Variants in EDAR observed in about 807,000 individuals in gnomAD.
EDAR encodes ectodysplasin A receptor, also known as tumor necrosis factor receptor superfamily member EDAR.
In EDAR, 38 loss-of-function variants were observed where a neutral mutation model predicts 51.3. The observed-to-expected ratio is 0.74, with a 90% CI of 0.57 to 0.97. The LOEUF (loss-of-function observed/expected upper bound fraction) is 0.97, where lower values mean the gene tolerates loss of function less well. Among genes scored for constraint, EDAR ranks in the 50% least tolerant of loss-of-function variants. The pLI is 0.00. For missense variants in EDAR, 528 were observed against 595.0 expected, an observed-to-expected ratio of 0.89 and a Z score of 1.17; for synonymous variants, 227 against 242.1, an observed-to-expected ratio of 0.94 and a Z score of 0.58.
chr2:108,966,779 G>C (rs1223621435), intron 1 of EDAR, among the ~76,000 whole-genome samples: 1 of 152,226 alleles, frequency 6.6e-6, no homozygotes, highest in African/African-American at 2.4e-5. Context: ...CCCTGGAAGG[G>C]AGCACAGTGG....
chr2:108,923,460 G>A lies in EDAR; in HGVS notation c.357-7C>T. The A allele has an allele frequency of 6.2e-7, 1 of 1,613,854 alleles. No homozygotes were observed. Among genetic ancestry groups the A allele is most frequent in the Non-Finnish European group, 8.5e-7 (1 of 1,179,772 alleles). On this transcript the variant is annotated splice_polypyrimidine_tract_variant and splice_region_variant and intron_variant, in intron 4 of 11. Transcript: ENST00000258443. ...GTTCTCCAGCATGTAGTAGCTACGG[G>A]GGAGAGACAAGACAAAACAGAGACA...
At chr2:108,937,824 G>C (rs977121365) in intron 1 of EDAR, among the ~76,000 whole-genome samples, 2 of 152,254 alleles carry the variant, frequency 1.3e-5, no homozygotes, top group Middle Eastern at 3.4e-3. Flanking sequence ...GTGGACCTGC[G>C]GGGAGAGGCA....
Position 108,917,683 on chromosome 2 carries a change from C to G in EDAR, c.443-4919G>C, listed in dbSNP as rs116792406. On this transcript the variant is annotated intron_variant, in intron 5 of 11. Coordinates refer to ENST00000258443, the MANE Select transcript of EDAR (RefSeq NM_022336.4). Reference sequence around the variant, plus strand: ...CGGGAGGCGGTGGGCCTTGCCATCCCTGGCTGCAGGGCTGACCTCATGAGG... The same window carrying G: ...CGGGAGGCGGTGGGCCTTGCCATCCGTGGCTGCAGGGCTGACCTCATGAGG... Among the ~76,000 whole-genome samples the G allele has an allele frequency of 4.6e-3, 700 of 152,198 alleles. 6 individuals are homozygous for G. The highest frequency in any genetic ancestry group is 0.016 in the African/African-American group (649 of 41,528).
intron 1 of EDAR, among the ~76,000 whole-genome samples, chr2:108,987,076 G>A (rs1012733744): frequency 1.7e-4 from 26 of 152,352 alleles, no homozygotes; most frequent in African/African-American, 6.0e-4. Context: ...ACTGAGCCCA[G>A]CTGAGGGGCT....
Position 108,912,733 on chromosome 2 carries a change from G to C in EDAR, c.474C>G (p.Asn158Lys), listed in dbSNP as rs777978272. ...CVGATSGASA[N>K]FPGTSGSSTL... ...TGCTGCTGCCCGAGGTGCCAGGGAA[G>C]TTGGCAGAAGCTCCTGAAGTGGCTC... The change falls in exon 6 of 12, where the codon AAC (asparagine) becomes AAG (lysine). Residue 158 changes from asparagine (N) to lysine (K), a missense_variant. By Grantham distance (94) the Asn-to-Lys change is moderately conservative. Transcript: ENST00000258443. 6.2e-7 allele frequency: 1 copy of C among 1,602,144 alleles called. No homozygotes were observed.
chr2:108,912,677 C>A lies in EDAR; in HGVS notation c.529+1G>T, dbSNP rs1553445945. 1.3e-6 allele frequency: 2 copies of A among 1,588,062 alleles called. No individual in the cohort carries two copies. Among genetic ancestry groups the A allele is most frequent in the Non-Finnish European group, 1.7e-6 (2 of 1,167,004 alleles). On this transcript the variant is annotated splice_donor_variant, in intron 6 of 11. Coordinates refer to ENST00000258443, the MANE Select transcript of EDAR (RefSeq NM_022336.4). LOFTEE classifies it high-confidence loss of function. Reference sequence around the variant, plus strand: ...GATCGATACCTGAGCACCCTCCTCACCTTTGTGGGCGTGCTGGAAGGGAGA... The same window carrying A: ...GATCGATACCTGAGCACCCTCCTCAACTTTGTGGGCGTGCTGGAAGGGAGA...
chr2:108,977,684 C>T (rs1373595430), intron 1 of EDAR, among the ~76,000 whole-genome samples: 3 of 152,104 alleles, frequency 2.0e-5, no homozygotes, highest in Admixed American at 2.0e-4. Context: ...CTAGGAGTCA[C>T]TGTTGTTTCA....
chr2:108,963,140 T>C (rs1698085487), intron 1 of EDAR, among the ~76,000 whole-genome samples: 1 of 152,170 alleles, frequency 6.6e-6, no homozygotes, highest in South Asian at 2.1e-4. Flanking sequence ...CTTCAACCAC[T>C]TGACTGTGTG....
At chr2:108,918,736 C>A (rs1358340050) in intron 5 of EDAR, among the ~76,000 whole-genome samples, 2 of 152,144 alleles carry the variant, frequency 1.3e-5, no homozygotes, top group East Asian at 3.9e-4. Flanking sequence ...CCATTTACAG[C>A]CACAATAGCT....
At chr2:108,986,985 G>A (rs1214146554) in intron 1 of EDAR, among the ~76,000 whole-genome samples, 1 of 152,130 alleles carries the variant, frequency 6.6e-6, no homozygotes, top group African/African-American at 2.4e-5. Context: ...CAGCATCAAA[G>A]GAACGAGCAG....
chr2:108,912,669 C>A lies in EDAR; in HGVS notation c.529+9G>T. The A allele has an allele frequency of 1.9e-6, 3 of 1,580,726 alleles. No individual in the cohort carries two copies. Among genetic ancestry groups the A allele is most frequent in the Non-Finnish European group, 1.7e-6 (2 of 1,162,886 alleles). The stretch of plus-strand genomic sequence containing the variant: ...CTCCAGGTGATCGATACCTGAGCAC[C>A]CTCCTCACCTTTGTGGGCGTGCTGG... On this transcript the variant is annotated intron_variant, in intron 6 of 11. Transcript: ENST00000258443.
chr2:108,917,657 A>G (rs1424706155), intron 5 of EDAR, among the ~76,000 whole-genome samples: 1 of 152,114 alleles, frequency 6.6e-6, no homozygotes. Context: ...GGGGGGTCAA[A>G]CGGGAGGCGG....
chr2:108,959,520 G>A (rs1363882679), intron 1 of EDAR, among the ~76,000 whole-genome samples: 1 of 152,166 alleles, frequency 6.6e-6, no homozygotes, highest in African/African-American at 2.4e-5. Context: ...CTTAAAACCT[G>A]TGCCAAGATG....
At chr2:108,908,159 C>G (rs1206556250) in intron 9 of EDAR, 140 bp from the exon 10 acceptor site, 1 of 933,592 alleles carries the variant, frequency 1.1e-6, no homozygotes, top group African/African-American at 1.7e-5. Flanking sequence ...TTACTGGGCA[C>G]CTTGTGGGCA....
intron 11 of EDAR, among the ~76,000 whole-genome samples, chr2:108,903,997 C>T (rs1253392409): frequency 6.6e-6 from 1 of 151,962 alleles, no homozygotes; most frequent in African/African-American, 2.4e-5. Context: ...CTATGAAAGA[C>T]CCTGTTAAGA....
intron 5 of EDAR, among the ~76,000 whole-genome samples, chr2:108,913,550 C>T (rs558775625): frequency 5.9e-5 from 9 of 152,076 alleles, no homozygotes; most frequent in South Asian, 2.1e-4. Flanking sequence ...TGGTGGCTCA[C>T]GCCTGTAATC....
In EDAR at chr2:108,896,924, G is replaced by T. The variant is rs1429907819; in HGVS notation, c.1330C>A (p.Pro444Thr). 1.2e-6 allele frequency: 2 copies of T among 1,612,640 alleles called. No individual in the cohort carries two copies. Among genetic ancestry groups the T allele is most frequent in the Non-Finnish European group, 8.5e-7 (1 of 1,179,490 alleles). The change falls in exon 12 of 12, where the codon CCA (proline) becomes ACA (threonine). Residue 444 changes from proline to threonine, a missense_variant. Coordinates refer to ENST00000258443, the MANE Select transcript of EDAR (RefSeq NM_022336.4). ...CATGCTTTTCAGGATGCAGCATGTG[G>T]CTGGGAGGCAGGTGGCACAACCCCC... ...WAGVVPPASQPHAAS is the reference protein window; with the variant it reads ...WAGVVPPASQTHAAS
intron 1 of EDAR, among the ~76,000 whole-genome samples, chr2:108,942,333 A>G (rs1425565772): frequency 6.6e-6 from 1 of 152,186 alleles, no homozygotes. Context: ...ACACTTCTAC[A>G]CAGCTTTGGG....
rs191132808 is a variant in EDAR at position 108,919,546 on chromosome 2, C to T, written c.442+3822G>A. On this transcript the variant is annotated intron_variant, in intron 5 of 11. Transcript: ENST00000258443. ...GCTAATTTTGTATTTTTAGTAGAGA[C>T]GGGTTTTCTCCATGTTGGCCAGGCT... Among the ~76,000 whole-genome samples, 21 of 152,202 alleles carry T rather than the reference C, an allele frequency of 1.4e-4. No individual in the cohort carries two copies. The East Asian group carries it at 3.1e-3, about 22-fold the overall frequency.
Sources: gnomAD v4.1 joint callset for allele counts (sites outside exome capture counted in the v4.1 genomes callset) on GRCh38, gnomAD v4.1.1 for gene constraint, MANE v1.5 for transcripts, NCBI Gene and HGNC (gene_info 2026-07-23, HGNC 2026-07-21) for gene names.